Variants in ATXN7L1 observed in about 807,000 individuals in gnomAD.
The protein encoded by ATXN7L1 is ataxin 7 like 1.
In ATXN7L1, 15 loss-of-function variants were observed where a neutral mutation model predicts 70.8. That is an observed-to-expected ratio of 0.21 (90% confidence interval 0.14 to 0.33). The LOEUF is 0.33. Among genes scored for constraint, ATXN7L1 ranks in the 10% least tolerant of loss-of-function variants. The pLI is 1.00. For synonymous variants in ATXN7L1, 440 were observed against 445.1 expected, an observed-to-expected ratio of 0.99 and a Z score of 0.14; for missense variants, 975 against 1,097.1, an observed-to-expected ratio of 0.89 and a Z score of 1.57.
chr7:105,670,899 G>A (rs571248736), intron 3 of ATXN7L1, among the ~76,000 whole-genome samples: 45 of 152,214 alleles, frequency 3.0e-4, no homozygotes, highest in African/African-American at 1.1e-3. Flanking sequence ...GAGGTCAGGA[G>A]ATCGAGACCA....
At chr7:105,692,424 T>TCCTTCCTTCCTTCCTCCCTCCCTC in intron 3 of ATXN7L1, among the ~76,000 whole-genome samples, 1 of 88,176 alleles carries the variant, frequency 1.1e-5, no homozygotes, top group Non-Finnish European at 2.3e-5. Flanking sequence ...CTTCCTTCCT[T>TCCTTCCTTCCTTCCTCCCTCCCTC]CCTCCCTCCC....
intron 6 of ATXN7L1, 71 bp downstream of exon 6, chr7:105,639,416 G>C (rs1245602527): frequency 2.1e-5 from 25 of 1,205,404 alleles, no homozygotes; most frequent in Non-Finnish European, 2.9e-5. Flanking sequence ...CGTGTGCAGA[G>C]AGTGGCATGC....
In ATXN7L1 at chr7:105,654,469, C is replaced by T. The variant is rs148415057; in HGVS notation, c.578+10597G>A. Reference sequence around the variant, plus strand: ...AAAATGAAGGGCAGAGAGAGCTTGACGTCAGGCAACACCGAGGGTGGTGCT... The same window carrying T: ...AAAATGAAGGGCAGAGAGAGCTTGATGTCAGGCAACACCGAGGGTGGTGCT... On this transcript the variant is annotated intron_variant, in intron 4 of 11. Coordinates refer to ENST00000419735, the MANE Select transcript of ATXN7L1 (RefSeq NM_020725.2). Among the ~76,000 whole-genome samples, 80 of 152,362 alleles carry T rather than the reference C, an allele frequency of 5.3e-4. 1 individual carries two copies. Among genetic ancestry groups the T allele is most frequent in the African/African-American group, 9.9e-4 (41 of 41,584 alleles).
rs55748938 is a variant in ATXN7L1 at position 105,671,889 on chromosome 7, CAAAAAAAA to C, written c.356-6609_356-6602del. ...TGAATGACAGAGTGAGACCCTGTCT[CAAAAAAAA>C]AAAAAAAAAAAAAAAAAAGAATTTT... On this transcript the variant is annotated intron_variant, in intron 3 of 11. Coordinates refer to ENST00000419735, the MANE Select transcript of ATXN7L1 (RefSeq NM_020725.2). 8.1e-3 allele frequency among the ~76,000 whole-genome samples: 457 copies of C among 56,440 alleles called. 3 individuals carry two copies. The highest frequency in any genetic ancestry group is 0.032 in the African/African-American group (418 of 13,246). 37.0% of individuals were successfully genotyped at this position (56,440 alleles called of 152,430 possible).
intron 3 of ATXN7L1, among the ~76,000 whole-genome samples, chr7:105,731,783 G>GAAAAGAAAAGAA (rs1554443754): frequency 7.0e-6 from 1 of 143,590 alleles, no homozygotes; most frequent in Admixed American, 7.0e-5. Context: ...GAAAAGAAAA[G>GAAAAGAAAAGAA]AAAAGAAAAG....
At chr7:105,851,684 C>T (rs932909328) in intron 2 of ATXN7L1, among the ~76,000 whole-genome samples, 5 of 152,280 alleles carry the variant, frequency 3.3e-5, no homozygotes, top group African/African-American at 1.2e-4. Flanking sequence ...GTGTCTCCCC[C>T]ACAAGCTGTA....
chr7:105,759,290 G>A (rs1188766643), intron 3 of ATXN7L1, among the ~76,000 whole-genome samples: 2 of 151,370 alleles, frequency 1.3e-5, no homozygotes, highest in Admixed American at 6.6e-5. Context: ...GGGAGGCAGC[G>A]CTGAGATGAT....
chr7:105,622,725 G>A (rs1415009264), intron 8 of ATXN7L1, among the ~76,000 whole-genome samples: 2 of 152,192 alleles, frequency 1.3e-5, no homozygotes, highest in Non-Finnish European at 2.9e-5. Context: ...CCCATTTCTG[G>A]TAGATATAAG....
At chr7:105,812,351 C>T (rs1296650171) in intron 2 of ATXN7L1, among the ~76,000 whole-genome samples, 1 of 152,194 alleles carries the variant, frequency 6.6e-6, no homozygotes, top group African/African-American at 2.4e-5. Flanking sequence ...TATATCTTTC[C>T]TACCTGTTCA....
At chr7:105,635,023 T>G (rs2115876947) in intron 7 of ATXN7L1, among the ~76,000 whole-genome samples, 1 of 152,248 alleles carries the variant, frequency 6.6e-6, no homozygotes, top group Middle Eastern at 3.4e-3. Flanking sequence ...ATCCCTGCCC[T>G]TTGTCAGGAA....
Position 105,788,775 on chromosome 7 carries a change from C to T in ATXN7L1, c.251-67G>A, listed in dbSNP as rs1480636897. The T allele has an allele frequency of 7.0e-6, 9 of 1,292,360 alleles. No homozygotes were observed. In the East Asian group the frequency reaches 1.4e-4, roughly 20 times the overall value. The allele number at this position is 1,292,360 out of a possible 1,614,324, so 80.1% of individuals were successfully genotyped here. On this transcript the variant is annotated intron_variant, in intron 2 of 11. Transcript: ENST00000419735. Reference sequence around the variant, plus strand: ...TAAGTCTCAGAAGGTGTACAGTTTCCTCTTGGAATTTCTTCAAGGACAGTT... The same window carrying T: ...TAAGTCTCAGAAGGTGTACAGTTTCTTCTTGGAATTTCTTCAAGGACAGTT...
intron 4 of ATXN7L1, among the ~76,000 whole-genome samples, chr7:105,664,537 A>G (rs917663433): frequency 2.9e-5 from 4 of 140,080 alleles, no homozygotes; most frequent in African/African-American, 7.8e-5. Flanking sequence ...TATAATATAT[A>G]TATGTATAAT....
rs1057292813 is a variant in ATXN7L1 at position 105,667,613 on chromosome 7, G to C, written c.356-2325C>G. On this transcript the variant is annotated intron_variant, in intron 3 of 11. Coordinates refer to ENST00000419735, the MANE Select transcript of ATXN7L1 (RefSeq NM_020725.2). ...ACTTGGGAGGCTGAGGCGGGAGAAT[G>C]GCGTGAACCCGGGAGGCGGAGCTTG... Among the ~76,000 whole-genome samples the C allele has an allele frequency of 4.5e-5, 6 of 133,632 alleles. 1 individual carries two copies. Among genetic ancestry groups the C allele is most frequent in the Non-Finnish European group, 9.7e-5 (6 of 61,948 alleles). The allele number at this position is 133,632 out of a possible 152,430, so 87.7% of individuals were successfully genotyped here. A position where few individuals can be genotyped will look rare whatever the true frequency, so the allele number is the denominator to read the frequency against.
intron 3 of ATXN7L1, among the ~76,000 whole-genome samples, chr7:105,671,068 C>T (rs1170233182): frequency 5.1e-5 from 7 of 136,084 alleles, no homozygotes; most frequent in African/African-American, 2.0e-4. Context: ...GATGGCGCCA[C>T]TGCATTCCAG....
intron 3 of ATXN7L1, among the ~76,000 whole-genome samples, chr7:105,759,869 C>T (rs974417004): frequency 6.6e-6 from 1 of 152,000 alleles, no homozygotes; most frequent in African/African-American, 2.4e-5. Context: ...TCCGCCCCCC[C>T]CAAAGATAGA....
At chr7:105,634,558 G>T (rs1797088404) in intron 7 of ATXN7L1, among the ~76,000 whole-genome samples, 1 of 152,058 alleles carries the variant, frequency 6.6e-6, no homozygotes. Flanking sequence ...GTCTCGCTAT[G>T]TTGCCAAGGC....
intron 4 of ATXN7L1, among the ~76,000 whole-genome samples, chr7:105,649,113 G>A (rs193094241): frequency 2.6e-5 from 4 of 152,258 alleles, no homozygotes; most frequent in Non-Finnish European, 4.4e-5. Flanking sequence ...TCCCAAAGTC[G>A]CACAATTAGT....
At chr7:105,856,534 C>T (rs212422) in intron 2 of ATXN7L1, among the ~76,000 whole-genome samples, 101,790 of 148,490 alleles carry the variant, frequency 0.69, 34,903 homozygotes, top group Middle Eastern at 0.79. Context: ...TGCAGTGAGC[C>T]GAGATAGTGC....
chr7:105,755,137 T>C (rs541478061), intron 3 of ATXN7L1, among the ~76,000 whole-genome samples: 2 of 152,352 alleles, frequency 1.3e-5, no homozygotes, highest in South Asian at 2.1e-4. Flanking sequence ...ATACTCTTTA[T>C]GGTTTTACCC....
Sources: gnomAD v4.1 joint callset for allele counts (sites outside exome capture counted in the v4.1 genomes callset) on GRCh38, gnomAD v4.1.1 for gene constraint, MANE v1.5 for transcripts, NCBI Gene and HGNC (gene_info 2026-07-23, HGNC 2026-07-21) for gene names.